Variants in FBN2 observed in about 807,000 individuals in gnomAD.
The protein encoded by FBN2 is fibrillin-2.
A neutral mutation model predicts 355.6 loss-of-function variants in FBN2; 105 were observed. That is an observed-to-expected ratio of 0.30 (90% CI 0.25 to 0.35). The LOEUF (loss-of-function observed/expected upper bound fraction) is 0.35. FBN2 is among the 10% of genes least tolerant of loss of function. The pLI is 1.00. For missense variants in FBN2, 3,280 were observed against 3,758.7 expected (o/e 0.87, Z 3.33); for synonymous variants, 1,350 against 1,301.2 (o/e 1.04, Z -0.81).
intron 15 of FBN2, among the ~76,000 whole-genome samples, chr5:128,369,980 T>C (rs1751887934): frequency 1.3e-5 from 2 of 152,326 alleles, no homozygotes; most frequent in South Asian, 2.1e-4. Flanking sequence ...GGAGTGGTCA[T>C]TACGTGCATT....
intron 5 of FBN2, among the ~76,000 whole-genome samples, chr5:128,497,892 A>T (rs1581349387): frequency 6.6e-6 from 1 of 152,212 alleles, no homozygotes; most frequent in Non-Finnish European, 1.5e-5. Flanking sequence ...ACTTAGTGAA[A>T]TAACTCCCAA....
At chr5:128,344,700 CTTTT>C (rs143617398) in intron 24 of FBN2, among the ~76,000 whole-genome samples, 190 bp from the exon 25 acceptor site, 3 of 139,126 alleles carry the variant, frequency 2.2e-5, no homozygotes, top group East Asian at 2.1e-4. Flanking sequence ...ATCTTATATT[CTTTT>C]TTTTTTTTTT....
chr5:128,454,900 T>C (rs775778199), intron 6 of FBN2, among the ~76,000 whole-genome samples: 2 of 152,230 alleles, frequency 1.3e-5, no homozygotes, highest in Non-Finnish European at 2.9e-5. Flanking sequence ...AAGCAAGAGA[T>C]GAAATTTCAC....
At chr5:128,384,121 T>C (rs959683989) in intron 11 of FBN2, among the ~76,000 whole-genome samples, 2 of 151,972 alleles carry the variant, frequency 1.3e-5, no homozygotes, top group Admixed American at 6.6e-5. Flanking sequence ...AAATAAATGA[T>C]TTTTCCCACC....
At chr5:128,431,296 G>A (rs907429209) in intron 7 of FBN2, among the ~76,000 whole-genome samples, 2 of 151,634 alleles carry the variant, frequency 1.3e-5, no homozygotes, top group African/African-American at 2.4e-5. Context: ...AATTAAAATC[G>A]CTTTCTAATA....
At chr5:128,469,806 A>T (rs1754808448) in intron 5 of FBN2, among the ~76,000 whole-genome samples, 1 of 152,212 alleles carries the variant, frequency 6.6e-6, no homozygotes, top group African/African-American at 2.4e-5. Flanking sequence ...TTCACTTATG[A>T]GGATGGCTGA....
At chr5:128,389,551 C>CCAAGTCAAAAGCCAA (rs1286674435) in intron 11 of FBN2, among the ~76,000 whole-genome samples, 1 of 152,206 alleles carries the variant, frequency 6.6e-6, no homozygotes, top group East Asian at 1.9e-4. Flanking sequence ...CCAGGTCCAA[C>CCAAGTCAAAAGCCAA]AGTCAACCAA....
At chr5:128,422,396 A>C (rs1469312882) in intron 7 of FBN2, among the ~76,000 whole-genome samples, 2 of 152,206 alleles carry the variant, frequency 1.3e-5, no homozygotes, top group Non-Finnish European at 2.9e-5. Flanking sequence ...GGTATACACT[A>C]AGCTTTTGGG....
At chr5:128,323,208 T>C (rs994075301) in intron 34 of FBN2, among the ~76,000 whole-genome samples, 4 of 152,174 alleles carry the variant, frequency 2.6e-5, no homozygotes, top group African/African-American at 9.6e-5. Flanking sequence ...TGCAAACAGA[T>C]ACAATTTGAC....
intron 5 of FBN2, among the ~76,000 whole-genome samples, chr5:128,469,976 T>C (rs1754813103): frequency 6.6e-6 from 1 of 152,186 alleles, no homozygotes; most frequent in Non-Finnish European, 1.5e-5. Flanking sequence ...TAATGAGTCA[T>C]GTGAGTTGGG....
intron 4 of FBN2, among the ~76,000 whole-genome samples, chr5:128,527,412 G>A (rs575697198): frequency 6.6e-6 from 1 of 152,148 alleles, no homozygotes; most frequent in East Asian, 1.9e-4. Context: ...TTTAAGCAAA[G>A]GATAATTTAT....
Position 128,263,438 on chromosome 5 carries a change from T to C in FBN2, c.8179A>G (p.Arg2727Gly). The C allele has an allele frequency of 6.2e-7, 1 of 1,613,554 alleles. No individual in the cohort carries two copies. Among genetic ancestry groups the C allele is most frequent in the Non-Finnish European group, 8.5e-7 (1 of 1,179,492 alleles). ...AGGCCGCCTTACCCTTGTCCCACTC[T>C]GTAATACCCAGGGGGGCAGCCACAG... is the stretch of plus-strand genomic sequence containing the variant. ...YLCGCPPGYYRVGQGHCVSGM... is the reference protein window; with the variant it reads ...YLCGCPPGYYGVGQGHCVSGM... Residue 2727 changes from arginine to glycine, a missense_variant, in exon 63 of 65, where the codon AGA becomes GGA. This residue lies in a region of FBN2 where 311 missense variants were observed against 319.1 expected (regional missense o/e 0.97). Transcript: ENST00000262464.
In FBN2 at chr5:128,276,119, T is replaced by G. The variant is rs1274277136; in HGVS notation, c.7513A>C (p.Ile2505Leu). The G allele has an allele frequency of 1.2e-6, 2 of 1,613,736 alleles. No homozygotes were observed. Among genetic ancestry groups the G allele is most frequent in the Admixed American group, 1.7e-5 (1 of 60,008 alleles). ...TAACTCCCCTCAGTGTTCTTGCAGA[T>G]GTAGTTGCATGGTTTCGGGGACTGG... ...CSQSPKPCNY[I>L]CKNTEGSYQC... The change falls in exon 59 of 65, where the codon ATC becomes CTC. Residue 2505 changes from isoleucine to leucine, a missense_variant. This residue lies in a region of FBN2 where 2,284 missense variants were observed against 2,749.5 expected (regional missense o/e 0.83). Transcript: ENST00000262464.
Position 128,278,696 on chromosome 5 carries a change from A to G in FBN2, c.7284T>C (p.Pro2428=). ...WGHQCELCPL[P]GTAQYKKICP... is the part of the protein sequence containing the mutation. ...ATATCTTTTTGTACTGGGCAGTTCC[A>G]GGAAGTGGGCAAAGCTCGCACTGGT... The change falls in exon 57 of 65, where the codon CCT becomes CCC. Residue 2428 remains proline (P), a synonymous_variant. Transcript: ENST00000262464. 1 of 1,614,192 alleles carries G rather than the reference A, an allele frequency of 6.2e-7. No individual in the cohort carries two copies. Among genetic ancestry groups the G allele is most frequent in the Non-Finnish European group, 8.5e-7 (1 of 1,180,022 alleles).
At chr5:128,262,967 T>C (rs72783100) in intron 63 of FBN2, among the ~76,000 whole-genome samples, 5,258 of 152,272 alleles carry the variant, frequency 0.035, 134 homozygotes, top group Non-Finnish European at 0.056. Context: ...CTCTGTGCGA[T>C]AGGAAAGCCA....
chr5:128,420,837 T>C (rs1241976715), intron 7 of FBN2, among the ~76,000 whole-genome samples: 2 of 152,198 alleles, frequency 1.3e-5, no homozygotes, highest in Non-Finnish European at 2.9e-5. Flanking sequence ...ATTTGCCACA[T>C]ACCAAATACC....
intron 25 of FBN2, 43 bp downstream of exon 25, chr5:128,344,342 A>G: frequency 6.2e-7 from 1 of 1,608,422 alleles, no homozygotes; most frequent in Non-Finnish European, 8.5e-7. Context: ...AGTAAAGGAA[A>G]GACAGCCAGA....
chr5:128,291,629 G>C lies in FBN2; in HGVS notation c.6192C>G (p.Pro2064=). 6.2e-7 allele frequency: 1 copy of C among 1,613,316 alleles called. No individual in the cohort carries two copies. Among genetic ancestry groups the C allele is most frequent in the African/African-American group, 1.3e-5 (1 of 74,854 alleles). ...TACAGGAACCAAAAAGACAAATGTT[G>C]GGATCTTCATCACATTCATTTATAT... The part of the protein sequence containing the change: ...CIDINECDED[P]NICLFGSCTN... The change falls in exon 49 of 65, where the codon CCC becomes CCG. Residue 2064 remains proline, a synonymous_variant. Transcript: ENST00000262464.
intron 6 of FBN2, among the ~76,000 whole-genome samples, chr5:128,454,672 A>G (rs1193187677): frequency 1.1e-4 from 16 of 152,232 alleles, no homozygotes; most frequent in Admixed American, 1.0e-3. Flanking sequence ...GTCAGACTAA[A>G]GAAATTATGT....
Sources: gnomAD v4.1 joint callset for allele counts (sites outside exome capture counted in the v4.1 genomes callset) on GRCh38, gnomAD v4.1.1 for gene constraint, gnomAD v4.1.1 regional missense constraint, MANE v1.5 for transcripts, NCBI Gene and HGNC (gene_info 2026-07-23, HGNC 2026-07-21) for gene names.